The following DSG1 variants were observed in gnomAD, a reference collection of about 807,000 sequenced individuals.
DSG1 encodes the protein desmoglein-1.
Under a neutral mutation model 97.5 loss-of-function variants are expected in DSG1, and 39 were observed. That is an observed-to-expected ratio of 0.40 (90% CI 0.31 to 0.52). The LOEUF (loss-of-function observed/expected upper bound fraction) is 0.52, where lower values mean the gene tolerates loss of function less well. Ranked by LOEUF, DSG1 falls within the 20% of genes least tolerant of loss-of-function variation. The pLI is 0.53. For missense variants in DSG1, 1,311 were observed against 1,295.4 expected (o/e 1.01, Z -0.18); for synonymous variants, 475 against 443.4 (o/e 1.07, Z -0.90).
chr18:31,340,849 A>C (rs2071784844), intron 11 of DSG1, among the ~76,000 whole-genome samples: 1 of 152,236 alleles, frequency 6.6e-6, no homozygotes, highest in South Asian at 2.1e-4. Context: ...TAGTATTAAT[A>C]AAAGGATAGT....
intron 1 of DSG1, among the ~76,000 whole-genome samples, chr18:31,323,816 T>A (rs969510274): frequency 1.3e-5 from 2 of 152,060 alleles, no homozygotes; most frequent in Non-Finnish European, 2.9e-5. Flanking sequence ...AACCTCAGGA[T>A]TTCCTCAGAA....
chr18:31,354,218 A>C, intron 14 of DSG1, 79 bp from the exon 15 acceptor site: 2 of 1,305,836 alleles, frequency 1.5e-6, no homozygotes, highest in Middle Eastern at 1.8e-4. Context: ...CTCTGGAAGA[A>C]AAACTAATGA....
chr18:31,338,325 G>C lies in DSG1; in HGVS notation c.1276G>C (p.Gly426Arg), dbSNP rs2071767759. 1.9e-6 allele frequency: 3 copies of C among 1,613,576 alleles called. No individual in the cohort carries two copies. The highest frequency in any genetic ancestry group is 2.5e-6 in the Non-Finnish European group (3 of 1,179,738). ...RPSTTVRYVM[G>R]NNPADLLAVD... ...TTCTTTCAAATACAGGTATGTAATG[G>C]GAAATAATCCAGCTGACCTGCTAGC... Residue 426 changes from glycine to arginine, a missense_variant, in exon 10 of 15, where the codon GGA becomes CGA. Gly to Arg is a moderately radical substitution (Grantham distance 125, BLOSUM62 -2). Transcript: ENST00000257192.
chr18:31,346,334 A>G (rs539980296), intron 14 of DSG1, 136 bp downstream of exon 14: 1 of 771,066 alleles, frequency 1.3e-6, no homozygotes, highest in South Asian at 1.4e-5. Context: ...GTGCCCAACA[A>G]TCCATGCTGT....
rs112353117 is a variant in DSG1, at chr18:31,355,994, T to G, written c.*648T>G. On this transcript the variant is annotated 3_prime_UTR_variant, in exon 15 of 15. Coordinates refer to ENST00000257192, the MANE Select transcript of DSG1 (RefSeq NM_001942.4). ...AGGTTTCTTCAGGGTAAACTAGCAA[T>G]GCCTGAGCCTGAACCTTAATGTGGG... The G allele has an allele frequency of 2.0e-4, 31 of 153,380 alleles. 1 individual carries two copies. The highest frequency in any genetic ancestry group is 7.0e-4 in the African/African-American group (29 of 41,560). 9.5% of individuals were successfully genotyped at this position (153,380 alleles called of 1,614,324 possible). A position where few individuals can be genotyped will look rare whatever the true frequency, so the allele number is the denominator to read the frequency against.
At chr18:31,318,394 A>G in intron 1 of DSG1, 46 bp downstream of exon 1, 2 of 1,514,114 alleles carry the variant, frequency 1.3e-6, no homozygotes, top group East Asian at 2.2e-5. Context: ...GCCCATTGTA[A>G]ACAAGTGAAA....
intron 14 of DSG1, among the ~76,000 whole-genome samples, chr18:31,352,199 T>C: frequency 6.6e-6 from 1 of 151,430 alleles, no homozygotes; most frequent in African/African-American, 2.4e-5. Flanking sequence ...TGCTTGTCTG[T>C]AAAGGATTTT....
Position 31,326,920 on chromosome 18 carries a change from T to C in DSG1, c.131T>C (p.Ile44Thr), listed in dbSNP as rs1409998656. 8 of 1,613,784 alleles carry C rather than the reference T, an allele frequency of 5.0e-6. No individual in the cohort carries two copies. The highest frequency in any genetic ancestry group is 6.8e-6 in the Non-Finnish European group (8 of 1,179,898). ...AATGGCACCATCAAATGGCATTCAA[T>C]CCGAAGGCAGAAACGTGAATGGATC... ...TKNGTIKWHSIRRQKREWIKF... is the reference protein window; with the variant it reads ...TKNGTIKWHSTRRQKREWIKF... The change falls in exon 3 of 15, where the codon ATC (isoleucine) becomes ACC (threonine). Residue 44 changes from isoleucine (I) to threonine (T), a missense_variant. Transcript: ENST00000257192.
intron 8 of DSG1, 25 bp from the exon 9 acceptor site, chr18:31,336,329 A>C: frequency 1.2e-6 from 2 of 1,600,236 alleles, no homozygotes; most frequent in Middle Eastern, 1.8e-4. Flanking sequence ...CTTATAATGA[A>C]ACTATTTTAC....
chr18:31,354,244 T>G (rs947251748), intron 14 of DSG1, 53 bp from the exon 15 acceptor site: 6 of 1,485,936 alleles, frequency 4.0e-6, no homozygotes, highest in Admixed American at 1.7e-5. Flanking sequence ...GCTGTTCTAT[T>G]ATTGTTAAAT....
Position 31,354,451 on chromosome 18 carries a change from G to A in DSG1, c.2255G>A (p.Gly752Glu). 1 of 1,614,118 alleles carries A rather than the reference G, an allele frequency of 6.2e-7. No homozygotes were observed. Among genetic ancestry groups the A allele is most frequent in the South Asian group, 1.1e-5 (1 of 91,062 alleles). Residue 752 changes from glycine (G) to glutamate (E), a missense_variant, in exon 15 of 15, where the codon GGA (glycine) becomes GAA (glutamate). This residue lies in a region of DSG1 where 1,038 missense variants were observed against 964.6 expected (regional missense o/e 1.08). Coordinates refer to ENST00000257192, the MANE Select transcript of DSG1 (RefSeq NM_001942.4). ...DLDDSFLDTLGPKFKKLADIS... is the reference protein window; with the variant it reads ...DLDDSFLDTLEPKFKKLADIS... ...GATGACAGCTTCTTGGATACCCTGG[G>A]ACCTAAATTTAAGAAGTTGGCAGAC...
chr18:31,354,370 G>A lies in DSG1; in HGVS notation c.2174G>A (p.Gly725Asp), dbSNP rs1411440944. ...NDCLLIYDIE[G>D]VGSPAGSVGC... ...TGTTTGCTCATATATGACATCGAAG[G>A]TGTAGGTTCCCCTGCTGGCTCTGTG... The change falls in exon 15 of 15, where the codon GGT (glycine) becomes GAT (aspartate). Residue 725 changes from glycine (G) to aspartate (D), a missense_variant. Physicochemically the swap from Gly to Asp is moderately conservative, Grantham distance 94. Transcript: ENST00000257192. 1.2e-6 allele frequency: 2 copies of A among 1,614,194 alleles called. No individual in the cohort carries two copies. Among genetic ancestry groups the A allele is most frequent in the South Asian group, 1.1e-5 (1 of 91,084 alleles).
At chr18:31,326,379 A>C (rs1167281758) in intron 1 of DSG1, among the ~76,000 whole-genome samples, 2 of 152,116 alleles carry the variant, frequency 1.3e-5, no homozygotes, top group African/African-American at 4.8e-5. Context: ...AAAGAAGAGT[A>C]AATTGAAAGG....
intron 4 of DSG1, among the ~76,000 whole-genome samples, chr18:31,328,558 A>G (rs1219917958): frequency 2.0e-5 from 3 of 152,254 alleles, no homozygotes; most frequent in South Asian, 2.1e-4. Flanking sequence ...GCTAACCTCT[A>G]TACTGTCCTC....
chr18:31,354,088 A>T, intron 14 of DSG1: 1 of 556,770 alleles, frequency 1.8e-6, no homozygotes, highest in Non-Finnish European at 3.2e-6. Flanking sequence ...TTAAAATCAT[A>T]GTATTAGAAT....
Position 31,326,606 on chromosome 18 carries a change from T to C in DSG1, c.74T>C (p.Phe25Ser). 1 of 1,605,088 alleles carries C rather than the reference T, an allele frequency of 6.2e-7. No individual in the cohort carries two copies. Among genetic ancestry groups the C allele is most frequent in the Non-Finnish European group, 8.5e-7 (1 of 1,172,446 alleles). The change falls in exon 2 of 15, where the codon TTC (phenylalanine) becomes TCC (serine). Residue 25 changes from phenylalanine (F) to serine (S), a missense_variant. Transcript: ENST00000257192. ...GTGGTGGTAGAAGTTAACAGTGAAT[T>C]CCGAATCCAGGTAATATATAACAAA... ...FLVVVEVNSEFRIQVRDYNTK... is the reference protein window; with the variant it reads ...FLVVVEVNSESRIQVRDYNTK...
chr18:31,330,936 A>G (rs1420413614), intron 5 of DSG1, among the ~76,000 whole-genome samples: 2 of 152,098 alleles, frequency 1.3e-5, no homozygotes, highest in Non-Finnish European at 2.9e-5. Flanking sequence ...GTGGGGGATG[A>G]CAGATGCCAT....
rs1363992816 is a variant in DSG1 at position 31,346,068 on chromosome 18, C to A, written c.1970C>A (p.Thr657Lys). The A allele has an allele frequency of 1.2e-6, 2 of 1,613,674 alleles. No homozygotes were observed. The highest frequency in any genetic ancestry group is 1.7e-6 in the Non-Finnish European group (2 of 1,179,824). The change falls in exon 14 of 15, where the codon ACA (threonine) becomes AAA (lysine). Residue 657 changes from threonine to lysine, a missense_variant. Coordinates refer to ENST00000257192, the MANE Select transcript of DSG1 (RefSeq NM_001942.4). ...GGERMTGFEL[T>K]EGVKTSGMPE... ...GAGAGAATGACAGGATTTGAACTAA[C>A]AGAGGGAGTTAAAACTTCAGGAATG...
At position 31,354,803 on chromosome 18, in the gene DSG1, C is replaced by A. The variant is rs371231511; in HGVS notation, c.2607C>A (p.Val869=). The change falls in exon 15 of 15, where the codon GTC becomes GTA. Residue 869 remains valine (V), a synonymous_variant. Coordinates refer to ENST00000257192, the MANE Select transcript of DSG1 (RefSeq NM_001942.4). ...ASNVVVTERV[V]GPISGADLHG... ...ACGTGGTAGTGACAGAGAGAGTGGT[C>A]GGCCCAATCTCTGGCGCTGATTTGC... 2.5e-6 allele frequency: 4 copies of A among 1,613,958 alleles called. No homozygotes were observed. The highest frequency in any genetic ancestry group is 3.4e-6 in the Non-Finnish European group (4 of 1,180,016).
Sources: allele counts gnomAD v4.1 joint callset (sites outside exome capture counted in the v4.1 genomes callset), GRCh38; gene constraint gnomAD v4.1.1; regional missense constraint gnomAD v4.1.1; transcripts MANE v1.5; gene names NCBI Gene and HGNC (gene_info 2026-07-23, HGNC 2026-07-21).